TSEN2: variants seen among roughly 807,000 people sequenced by gnomAD.
The protein encoded by TSEN2 is tRNA splicing endonuclease subunit 2.
A neutral mutation model predicts 59.2 loss-of-function variants in TSEN2; 54 were observed. That is an observed-to-expected ratio of 0.91 (90% CI 0.73 to 1.14). The LOEUF is 1.14. TSEN2 is among the 50% of genes most tolerant of loss of function. The pLI is 0.00. For missense variants in TSEN2, 636 were observed against 576.2 expected (o/e 1.10, Z -1.06); for synonymous variants, 195 against 198.2 (o/e 0.98, Z 0.14).
intron 1 of TSEN2, among the ~76,000 whole-genome samples, chr3:12,486,263 C>T (rs774006944): frequency 6.6e-6 from 1 of 152,164 alleles, no homozygotes; most frequent in Non-Finnish European, 1.5e-5. Flanking sequence ...GCTGTTCTGC[C>T]GCGACACTAA....
chr3:12,496,427 A>G, intron 3 of TSEN2, 91 bp from the exon 4 acceptor site: 1 of 1,379,938 alleles, frequency 7.2e-7, no homozygotes, highest in Non-Finnish European at 1.0e-6. Flanking sequence ...TGATTTTGTG[A>G]ATCTTAAAAT....
chr3:12,516,442 ATATATGTGTGTGTG>A (rs1406961583), intron 6 of TSEN2, among the ~76,000 whole-genome samples, 155 bp from the exon 7 acceptor site: 25 of 89,176 alleles, frequency 2.8e-4, no homozygotes, highest in African/African-American at 6.5e-4. Context: ...AACAAACAAA[ATATATGTGTGTGTG>A]TGTGTGTGTG....
intron 6 of TSEN2, chr3:12,515,054 A>G (rs374943739): frequency 4.6e-5 from 7 of 152,204 alleles, no homozygotes; most frequent in Admixed American, 2.6e-4. Context: ...ACACCACGTT[A>G]TTATTATGAA....
intron 8 of TSEN2, among the ~76,000 whole-genome samples, chr3:12,523,688 C>T (rs562968778): frequency 1.8e-4 from 28 of 151,710 alleles, no homozygotes; most frequent in Admixed American, 1.6e-3. Flanking sequence ...TACAGGCGCA[C>T]ACCACCACAC....
chr3:12,495,970 G>A (rs553251921), intron 3 of TSEN2, among the ~76,000 whole-genome samples: 67 of 152,284 alleles, frequency 4.4e-4, no homozygotes, highest in African/African-American at 1.3e-3. Flanking sequence ...TCAGAACTGC[G>A]CCCTCATCAG....
intron 2 of TSEN2, among the ~76,000 whole-genome samples, chr3:12,490,343 C>T (rs752660591): frequency 4.6e-5 from 7 of 152,096 alleles, no homozygotes; most frequent in Non-Finnish European, 1.0e-4. Flanking sequence ...AGTGAAAATT[C>T]CCCACTCACT....
chr3:12,507,078 AG>A (rs1380021864), intron 6 of TSEN2, among the ~76,000 whole-genome samples: 4 of 152,202 alleles, frequency 2.6e-5, no homozygotes, highest in Non-Finnish European at 5.9e-5. Flanking sequence ...CTGTAATCCC[AG>A]CTACTCGGGA....
chr3:12,513,885 A>G (rs2055769107), intron 6 of TSEN2, among the ~76,000 whole-genome samples: 1 of 152,182 alleles, frequency 6.6e-6, no homozygotes. Context: ...CACACTGAGA[A>G]GAGATGAGCT....
In TSEN2 at chr3:12,494,562, G is replaced by A. The variant is rs993545124; in HGVS notation, c.272-1956G>A. On this transcript the variant is annotated intron_variant, in intron 3 of 11. Transcript: ENST00000284995. The stretch of plus-strand genomic sequence containing the variant: ...ATTACAGGTGTATCCCACCATGCCC[G>A]GCTAATTTTTGTATTTTTAGTAGAG... Among the ~76,000 whole-genome samples the A allele has an allele frequency of 2.6e-5, 4 of 151,718 alleles. 1 individual carries two copies. In the South Asian group the frequency reaches 6.3e-4, roughly 24 times the overall value.
At chr3:12,506,558 G>A (rs1419253768) in intron 6 of TSEN2, 1 of 381,702 alleles carries the variant, frequency 2.6e-6, no homozygotes, top group Non-Finnish European at 3.6e-6. Flanking sequence ...TCACGCCACT[G>A]CACAAGCGAG....
chr3:12,485,543 T>C (rs1045503199), intron 1 of TSEN2, among the ~76,000 whole-genome samples: 1 of 152,162 alleles, frequency 6.6e-6, no homozygotes, highest in African/African-American at 2.4e-5. Flanking sequence ...TGAATTTGAA[T>C]AGACCTTGCT....
chr3:12,505,770 T>C lies in TSEN2; in HGVS notation c.909+539T>C, dbSNP rs1424762520. On this transcript the variant is annotated intron_variant, in intron 6 of 11. Coordinates refer to ENST00000284995, the MANE Select transcript of TSEN2 (RefSeq NM_025265.4). ...TTGCACTCCAGCCTGGGTGACAGAA[T>C]GAAACTCTGTCTCAAAAAAAAAAAA... Among the ~76,000 whole-genome samples, 14 of 123,614 alleles carry C rather than the reference T, an allele frequency of 1.1e-4. No homozygotes were observed. In the South Asian group the frequency reaches 3.1e-3, roughly 27 times the overall value. The allele number at this position is 123,614 out of a possible 152,430, so 81.1% of individuals were successfully genotyped here.
At chr3:12,495,759 G>A (rs532350910) in intron 3 of TSEN2, among the ~76,000 whole-genome samples, 5 of 152,162 alleles carry the variant, frequency 3.3e-5, no homozygotes, top group Non-Finnish European at 5.9e-5. Context: ...TGCAGACGAG[G>A]CTGAGTTTGG....
At chr3:12,516,498 A>C in intron 6 of TSEN2, 113 bp from the exon 7 acceptor site, 1 of 760,852 alleles carries the variant, frequency 1.3e-6, no homozygotes, top group Non-Finnish European at 2.3e-6. Context: ...GACCTTTTTG[A>C]TGATGACTTA....
chr3:12,481,849 T>C (rs2052196774), upstream of TSEN2, among the ~76,000 whole-genome samples: 1 of 151,970 alleles, frequency 6.6e-6, no homozygotes, highest in South Asian at 2.1e-4. Context: ...GGCAACTTTA[T>C]AGAACAGAAT....
upstream of TSEN2, among the ~76,000 whole-genome samples, chr3:12,480,442 C>T (rs1305606046): frequency 2.0e-5 from 3 of 152,122 alleles, no homozygotes; most frequent in African/African-American, 7.2e-5. Context: ...CCTGGTCTTC[C>T]CTGACCTCCA....
At position 12,510,445 on chromosome 3, in the gene TSEN2, G is replaced by A. The variant is rs141363173; in HGVS notation, c.909+5214G>A. 2.3e-3 allele frequency among the ~76,000 whole-genome samples: 353 copies of A among 152,272 alleles called. 2 individuals are homozygous for A. Among genetic ancestry groups the A allele is most frequent in the Non-Finnish European group, 3.7e-3 (250 of 68,032 alleles). On this transcript the variant is annotated intron_variant, in intron 6 of 11. Transcript: ENST00000284995. ...TATATACTTATAAAGCTTTTAAAGT[G>A]CGTGAGAAAATTTCTCTTATTTAGA...
rs141085823 is a variant in TSEN2, at chr3:12,501,026, T to C, written c.309-2236T>C. Among the ~76,000 whole-genome samples, 515 of 152,294 alleles carry C rather than the reference T, an allele frequency of 3.4e-3. 4 individuals carry two copies. The highest frequency in any genetic ancestry group is 0.012 in the African/African-American group (489 of 41,548). On this transcript the variant is annotated intron_variant, in intron 4 of 11. Transcript: ENST00000284995. ...CCAGAAAAATATATTGTCACAAAAA[T>C]TTGTGTTCAAATAAAGGAAATTTAT... is the stretch of plus-strand genomic sequence containing the variant.
downstream of TSEN2, among the ~76,000 whole-genome samples, chr3:12,534,120 G>A (rs2057612825): frequency 6.6e-6 from 1 of 152,178 alleles, no homozygotes; most frequent in Non-Finnish European, 1.5e-5. Flanking sequence ...CCTGTTTGGT[G>A]GTGGTGGTGG....
Sources: allele counts gnomAD v4.1 joint callset (sites outside exome capture counted in the v4.1 genomes callset), GRCh38; gene constraint gnomAD v4.1.1; transcripts MANE v1.5; gene names NCBI Gene and HGNC (gene_info 2026-07-23, HGNC 2026-07-21).